ARHGAP29: variants seen among roughly 807,000 people sequenced by gnomAD.
ARHGAP29 encodes Rho GTPase activating protein 29.
A neutral mutation model predicts 122.6 loss-of-function variants in ARHGAP29; 43 were observed. That is an observed-to-expected ratio of 0.35 (90% CI 0.27 to 0.45). The LOEUF is 0.45. Ranked by LOEUF, ARHGAP29 falls within the 20% of genes least tolerant of loss-of-function variation. ARHGAP29 has a pLI of 1.00. For missense variants in ARHGAP29, 1,303 were observed against 1,477.2 expected, an observed-to-expected ratio of 0.88 and a Z score of 1.93; for synonymous variants, 506 against 497.1, an observed-to-expected ratio of 1.02 and a Z score of -0.24.
At chr1:94,248,801 A>C (rs930400399) in intron 1 of ARHGAP29, among the ~76,000 whole-genome samples, 1 of 152,188 alleles carries the variant, frequency 6.6e-6, no homozygotes, top group Non-Finnish European at 1.5e-5. Flanking sequence ...CTCCTGGACT[A>C]AAGGAATACT....
the ARHGAP29 span, among the ~76,000 whole-genome samples, chr1:94,286,173 T>C: frequency 1.3e-5 from 2 of 152,222 alleles, no homozygotes; most frequent in South Asian, 4.1e-4. Context: ...GGCTGCCTTC[T>C]TGCTGTGTCC....
At chr1:94,283,019 T>C in the ARHGAP29 span, among the ~76,000 whole-genome samples, 3 of 152,234 alleles carry the variant, frequency 2.0e-5, no homozygotes, top group African/African-American at 7.2e-5. Flanking sequence ...GCTTTATAGA[T>C]AAATACCAAG....
chr1:94,236,114 A>C (rs941460068), intron 1 of ARHGAP29, among the ~76,000 whole-genome samples: 2 of 152,222 alleles, frequency 1.3e-5, no homozygotes, highest in African/African-American at 4.8e-5. Context: ...CTCATCCTAA[A>C]ACGATGATTA....
chr1:94,196,063 T>TA (rs1458610862), intron 12 of ARHGAP29: 1 of 151,988 alleles, frequency 6.6e-6, no homozygotes, highest in Non-Finnish European at 1.5e-5. Context: ...CAGTAATCGA[T>TA]AAAAGTAGCA....
Position 94,172,456 on chromosome 1 carries a change from A to C in ARHGAP29, c.*1413T>G, listed in dbSNP as rs1407720215. ...ACCTTTACATCACATAGAACTATAA[A>C]ACAGGTTTCCATAAAATTCATTCCA... On this transcript the variant is annotated 3_prime_UTR_variant, in exon 23 of 23. Coordinates refer to ENST00000260526, the MANE Select transcript of ARHGAP29 (RefSeq NM_004815.4). 1 of 152,120 alleles carries C rather than the reference A, an allele frequency of 6.6e-6. No individual in the cohort carries two copies. Among genetic ancestry groups the C allele is most frequent in the Non-Finnish European group, 1.5e-5 (1 of 68,016 alleles). 9.4% of individuals were successfully genotyped at this position (152,120 alleles called of 1,614,324 possible).
At chr1:94,243,121 CAG>C (rs1407396866) in intron 1 of ARHGAP29, among the ~76,000 whole-genome samples, 1 of 152,044 alleles carries the variant, frequency 6.6e-6, no homozygotes, top group Non-Finnish European at 1.5e-5. Context: ...ACTCTTCTCT[CAG>C]TAATTGATAG....
chr1:94,210,900 TATTTA>T (rs1243032220), intron 3 of ARHGAP29, among the ~76,000 whole-genome samples: 1 of 26,374 alleles, frequency 3.8e-5, no homozygotes, highest in African/African-American at 6.6e-5. Context: ...CTCTGTTTCT[TATTTA>T]AAAAAAAAAA....
the ARHGAP29 span, among the ~76,000 whole-genome samples, chr1:94,314,517 C>T: frequency 7.9e-5 from 12 of 152,166 alleles, no homozygotes; most frequent in African/African-American, 2.4e-4. Context: ...TCCTTTCCCT[C>T]GGCTTAAGAG....
At chr1:94,269,282 G>A (rs1654901210) in intron 1 of ARHGAP29, among the ~76,000 whole-genome samples, 1 of 152,112 alleles carries the variant, frequency 6.6e-6, no homozygotes, top group African/African-American at 2.4e-5. Flanking sequence ...GCTTATAGAC[G>A]ACGAAAGGAC....
intron 1 of ARHGAP29, among the ~76,000 whole-genome samples, chr1:94,246,506 C>T (rs1232865645): frequency 1.3e-5 from 2 of 152,244 alleles, no homozygotes; most frequent in East Asian, 3.9e-4. Context: ...TTCCCCTTCC[C>T]CCCGCCAACC....
chr1:94,183,585 G>A (rs953038910), intron 19 of ARHGAP29, among the ~76,000 whole-genome samples: 3 of 152,108 alleles, frequency 2.0e-5, no homozygotes, highest in Non-Finnish European at 2.9e-5. Context: ...TGCTCCAAAT[G>A]TAGTACATTA....
At chr1:94,303,459 G>A in the ARHGAP29 span, among the ~76,000 whole-genome samples, 1 of 152,136 alleles carries the variant, frequency 6.6e-6, no homozygotes, top group Non-Finnish European at 1.5e-5. Flanking sequence ...TTCCAGATTT[G>A]CAAGATGAAA....
At chr1:94,214,199 G>A (rs1376408702) in intron 3 of ARHGAP29, among the ~76,000 whole-genome samples, 2 of 152,206 alleles carry the variant, frequency 1.3e-5, no homozygotes, top group Non-Finnish European at 2.9e-5. Context: ...AGGAATGACT[G>A]AGAAAACAAA....
intron 1 of ARHGAP29, among the ~76,000 whole-genome samples, chr1:94,252,717 G>GAA (rs142364377): frequency 2.0e-4 from 29 of 147,878 alleles, no homozygotes; most frequent in East Asian, 5.9e-4. Flanking sequence ...GTTCTCTAAT[G>GAA]AAAAAAAAAA....
chr1:94,286,329 A>C, the ARHGAP29 span, among the ~76,000 whole-genome samples: 187 of 152,324 alleles, frequency 1.2e-3, no homozygotes, highest in African/African-American at 4.1e-3. Context: ...AATTTGGGAA[A>C]GGCAAAAATA....
the ARHGAP29 span, among the ~76,000 whole-genome samples, chr1:94,293,373 G>A: frequency 2.1e-4 from 32 of 152,328 alleles, no homozygotes; most frequent in East Asian, 4.5e-3. Context: ...CGTTCCTTCA[G>A]GTACAGTCCA....
chr1:94,237,767 C>G (rs1289362204), upstream of ARHGAP29: 1 of 985,316 alleles, frequency 1.0e-6, no homozygotes, highest in African/African-American at 1.7e-5. Context: ...CGGACGCTGT[C>G]CCAGCATCAC....
chr1:94,256,536 C>CTTTTTTTTTTTTTTTTTTTTTTTT (rs530295333), intron 1 of ARHGAP29, among the ~76,000 whole-genome samples: 1 of 45,296 alleles, frequency 2.2e-5, no homozygotes, highest in Non-Finnish European at 3.7e-5. Context: ...CAGTACTAAT[C>CTTTTTTTTTTTTTTTTTTTTTTTT]TTTTTTTTTT....
chr1:94,300,290 G>A, the ARHGAP29 span, among the ~76,000 whole-genome samples: 1 of 152,192 alleles, frequency 6.6e-6, no homozygotes, highest in African/African-American at 2.4e-5. Context: ...AACAGGCAGT[G>A]AGGTTCCTAC....
Sources: gnomAD v4.1 joint callset for allele counts (sites outside exome capture counted in the v4.1 genomes callset) on GRCh38, gnomAD v4.1.1 for gene constraint, MANE v1.5 for transcripts, NCBI Gene and HGNC (gene_info 2026-07-23, HGNC 2026-07-21) for gene names.